Variants in MTMR2 observed in about 807,000 individuals in gnomAD.
The protein encoded by MTMR2 is myotubularin related protein 2, also known as phosphatidylinositol-3,5-bisphosphate 3-phosphatase MTMR2.
A neutral mutation model predicts 86.9 loss-of-function variants in MTMR2; 55 were observed. That is an observed-to-expected ratio of 0.63 (90% CI 0.51 to 0.79). The LOEUF (loss-of-function observed/expected upper bound fraction) is 0.79, where lower values mean the gene tolerates loss of function less well. Ranked by LOEUF, MTMR2 falls within the 30% of genes least tolerant of loss-of-function variation. The pLI, the probability that MTMR2 is intolerant of heterozygous loss-of-function variation, is 0.00. For synonymous variants in MTMR2, 241 were observed against 266.8 expected (o/e 0.90, Z 0.94); for missense variants, 659 against 772.3 (o/e 0.85, Z 1.74).
chr11:95,881,765 T>C (rs1865330867), intron 2 of MTMR2, among the ~76,000 whole-genome samples: 2 of 152,320 alleles, frequency 1.3e-5, no homozygotes, highest in South Asian at 4.1e-4. Context: ...CAATCCTCTA[T>C]AAATAATGAA....
chr11:95,845,860 G>T (rs374321756), intron 10 of MTMR2, among the ~76,000 whole-genome samples: 2 of 17,864 alleles, frequency 1.1e-4, no homozygotes, highest in African/African-American at 2.8e-4. Context: ...AACCAAAAAA[G>T]AAACACAAAA....
At chr11:95,864,574 CAAT>C (rs1864540102) in intron 3 of MTMR2, among the ~76,000 whole-genome samples, 1 of 151,820 alleles carries the variant, frequency 6.6e-6, no homozygotes, top group Non-Finnish European at 1.5e-5. Flanking sequence ...AGTAAGCACT[CAAT>C]AATAATAACT....
chr11:95,918,910 C>G (rs1241246401), intron 1 of MTMR2, among the ~76,000 whole-genome samples: 1 of 152,182 alleles, frequency 6.6e-6, no homozygotes, highest in East Asian at 1.9e-4. Context: ...TATCACAACC[C>G]ACTGCAGCCT....
At position 95,835,303 on chromosome 11, in the gene MTMR2, T is replaced by C; in HGVS notation, c.1919A>G (p.Gln640Arg). The part of the protein sequence containing the change: ...SSPAQCVTPV[Q>R]TVV Reference sequence around the variant, plus strand: ...TCTTACAGTCCTTTATACAACAGTTTGGACAGGAGTGACACACTGTGCAGG... The same window carrying C: ...TCTTACAGTCCTTTATACAACAGTTCGGACAGGAGTGACACACTGTGCAGG... Residue 640 changes from glutamine (Q) to arginine (R), a missense_variant, in exon 15 of 15, where the codon CAA becomes CGA. Physicochemically the swap from Gln to Arg is conservative, Grantham distance 43. Transcript: ENST00000346299. 6.2e-7 allele frequency: 1 copy of C among 1,612,878 alleles called. No individual in the cohort carries two copies. Among genetic ancestry groups the C allele is most frequent in the Non-Finnish European group, 8.5e-7 (1 of 1,179,190 alleles).
intron 13 of MTMR2, among the ~76,000 whole-genome samples, chr11:95,836,983 G>A (rs1268340867): frequency 2.0e-5 from 3 of 151,884 alleles, no homozygotes; most frequent in South Asian, 4.2e-4. Context: ...TGAATTTCAT[G>A]GTATGCATAT....
At chr11:95,898,152 A>G (rs1865942758) in intron 1 of MTMR2, among the ~76,000 whole-genome samples, 1 of 151,132 alleles carries the variant, frequency 6.6e-6, no homozygotes, top group Admixed American at 6.6e-5. Flanking sequence ...CATTGCCTCC[A>G]TTTCTCAATG....
chr11:95,870,546 T>C (rs1864817075), intron 2 of MTMR2, among the ~76,000 whole-genome samples: 1 of 151,868 alleles, frequency 6.6e-6, no homozygotes, highest in Non-Finnish European at 1.5e-5. Flanking sequence ...ATAAAACAAA[T>C]AGAAGCAATT....
At chr11:95,903,987 C>T (rs1000586292) in intron 1 of MTMR2, among the ~76,000 whole-genome samples, 5 of 151,980 alleles carry the variant, frequency 3.3e-5, no homozygotes, top group African/African-American at 1.2e-4. Flanking sequence ...TGGTGGCACA[C>T]GACTGTAGTC....
intron 1 of MTMR2, among the ~76,000 whole-genome samples, chr11:95,889,562 C>G (rs1191246550): frequency 6.6e-6 from 1 of 151,622 alleles, no homozygotes; most frequent in Non-Finnish European, 1.5e-5. Flanking sequence ...CTATGTTATC[C>G]AGGCTGTTCT....
chr11:95,861,271 T>C (rs1335904014), intron 5 of MTMR2, among the ~76,000 whole-genome samples: 1 of 151,486 alleles, frequency 6.6e-6, no homozygotes, highest in African/African-American at 2.4e-5. Context: ...CAGAGCCTTA[T>C]GTTGCTAATT....
intron 7 of MTMR2, among the ~76,000 whole-genome samples, chr11:95,853,506 C>T (rs929790664): frequency 6.6e-6 from 1 of 152,118 alleles, no homozygotes; most frequent in Non-Finnish European, 1.5e-5. Context: ...AAGTCCTTTA[C>T]CAGACTTAGC....
At chr11:95,905,308 TAC>T (rs1431917105) in intron 1 of MTMR2, among the ~76,000 whole-genome samples, 1 of 139,624 alleles carries the variant, frequency 7.2e-6, no homozygotes, top group African/African-American at 2.7e-5. Flanking sequence ...GTGATATTCT[TAC>T]ACACACACGC....
rs1376231939 is a variant in MTMR2, at chr11:95,923,880, C to T, written c.75G>A (p.Leu25=). The part of the protein sequence containing the change: ...AAARPPSVDS[L]SSASTSHSEN... ...GCCCTGGGCGTCCTGGTTACCTGGA[C>T]AAGGAGTCCACGCTGGGCGGCCGAG... The change falls in exon 1 of 15, where the codon TTG becomes TTA. Residue 25 remains leucine, a synonymous_variant. Transcript: ENST00000346299. 1.9e-6 allele frequency: 3 copies of T among 1,554,428 alleles called. No individual in the cohort carries two copies. The highest frequency in any genetic ancestry group is 2.6e-6 in the Non-Finnish European group (3 of 1,148,972).
intron 1 of MTMR2, among the ~76,000 whole-genome samples, chr11:95,914,053 G>GT (rs1311517665): frequency 6.6e-6 from 1 of 152,164 alleles, no homozygotes; most frequent in East Asian, 1.9e-4. Flanking sequence ...CTAAAACTTA[G>GT]TGACTGCTTT....
At position 95,924,043 on chromosome 11, in the gene MTMR2, G is replaced by A. The variant is rs868256702; in HGVS notation, c.-89C>T. 6.0e-6 allele frequency: 9 copies of A among 1,507,402 alleles called. No homozygotes were observed. The highest frequency in any genetic ancestry group is 1.2e-5 in the South Asian group (1 of 83,164). The allele number at this position is 1,507,402 out of a possible 1,614,324, so 93.4% of individuals were successfully genotyped here. A position where few individuals can be genotyped will look rare whatever the true frequency, so the allele number is the denominator to read the frequency against. On this transcript the variant is annotated 5_prime_UTR_variant, in exon 1 of 15. Transcript: ENST00000346299. ...CGGAGGGCGGAGTGCTACGGACCGGGGCCGCAGTCAGGCCAGCGCCGGCCC... is the reference window on the plus strand; with the variant it reads ...CGGAGGGCGGAGTGCTACGGACCGGAGCCGCAGTCAGGCCAGCGCCGGCCC...
At chr11:95,918,864 TCTCA>T (rs1318302390) in intron 1 of MTMR2, among the ~76,000 whole-genome samples, 1 of 152,008 alleles carries the variant, frequency 6.6e-6, no homozygotes, top group Non-Finnish European at 1.5e-5. Flanking sequence ...TGAGACGGGG[TCTCA>T]CTGTCTTGCC....
At chr11:95,844,465 G>A (rs989995435) in intron 11 of MTMR2, among the ~76,000 whole-genome samples, 2 of 152,102 alleles carry the variant, frequency 1.3e-5, no homozygotes, top group African/African-American at 4.8e-5. Context: ...AACTTTACAT[G>A]GTCCCAGCAG....
chr11:95,873,692 T>G (rs1396239906), intron 2 of MTMR2, among the ~76,000 whole-genome samples: 8 of 151,916 alleles, frequency 5.3e-5, no homozygotes, highest in African/African-American at 1.7e-4. Context: ...GATGTTAGGG[T>G]GTCAATTTTA....
At chr11:95,860,973 T>C (rs964278904) in intron 5 of MTMR2, among the ~76,000 whole-genome samples, 1 of 151,806 alleles carries the variant, frequency 6.6e-6, no homozygotes, top group African/African-American at 2.4e-5. Context: ...CTGGCTAACA[T>C]GGTGAAACCC....
Sources: gnomAD v4.1 joint callset for allele counts (sites outside exome capture counted in the v4.1 genomes callset) on GRCh38, gnomAD v4.1.1 for gene constraint, MANE v1.5 for transcripts, NCBI Gene and HGNC (gene_info 2026-07-23, HGNC 2026-07-21) for gene names.